The following ACAN variants were observed in gnomAD, a reference collection of about 807,000 sequenced individuals.
The protein encoded by ACAN is aggrecan, also known as aggrecan core protein.
Under a neutral mutation model 169.1 loss-of-function variants are expected in ACAN, and 47 were observed. That is an observed-to-expected ratio of 0.28 (90% CI 0.22 to 0.35). The LOEUF is 0.35. ACAN is among the 10% of genes least tolerant of loss of function. The probability of loss-of-function intolerance (pLI) is 1.00; values close to 1 mark genes in which losing one functional copy is unlikely to be tolerated. For synonymous variants in ACAN, 1,115 were observed against 1,112.2 expected, an observed-to-expected ratio of 1.00 and a Z score of -0.05; for missense variants, 2,716 against 2,759.9, an observed-to-expected ratio of 0.98 and a Z score of 0.36.
At chr15:88,867,882 C>G (rs1212501865) in intron 13 of ACAN, among the ~76,000 whole-genome samples, 1 of 152,242 alleles carries the variant, frequency 6.6e-6, no homozygotes, top group Non-Finnish European at 1.5e-5. Flanking sequence ...CAAGAGAAGG[C>G]ATCTTGGAGG....
intron 1 of ACAN, among the ~76,000 whole-genome samples, chr15:88,826,843 T>A (rs544769016): frequency 6.6e-6 from 1 of 152,286 alleles, no homozygotes; most frequent in East Asian, 1.9e-4. Context: ...GTTGACTGAA[T>A]AATGGAATTA....
intron 1 of ACAN, among the ~76,000 whole-genome samples, chr15:88,820,382 T>C (rs766360235): frequency 3.3e-5 from 5 of 152,064 alleles, no homozygotes; most frequent in Non-Finnish European, 5.9e-5. Flanking sequence ...AGGACTGTAG[T>C]TTCTCCCTGA....
rs775956303 is a variant in ACAN at position 88,855,333 on chromosome 15, T to A, written c.2748T>A (p.Ser916Arg). ...TGGGCTCAGGCCTGCCTGTGGAAAG[T>A]GGACTACCCTCAGGGGATGAAGAGA... ...STVGSGLPVE[S>R]GLPSGDEERI... The change falls in exon 12 of 19, where the codon AGT becomes AGA. Residue 916 changes from serine (S) to arginine (R), a missense_variant. By Grantham distance (110) the Ser-to-Arg change is moderately radical. Coordinates refer to ENST00000560601, the MANE Select transcript of ACAN (RefSeq NM_001369268.1). The A allele has an allele frequency of 1.4e-5, 22 of 1,612,320 alleles. No homozygotes were observed. Among genetic ancestry groups the A allele is most frequent in the Non-Finnish European group, 3.4e-6 (4 of 1,178,932 alleles).
At chr15:88,864,918 G>T (rs1897257288) in intron 13 of ACAN, among the ~76,000 whole-genome samples, 1 of 152,158 alleles carries the variant, frequency 6.6e-6, no homozygotes, top group South Asian at 2.1e-4. Flanking sequence ...TTTAGCACCT[G>T]CATTGCTCTT....
chr15:88,862,586 T>C (rs1028060252), intron 13 of ACAN, among the ~76,000 whole-genome samples: 24 of 152,214 alleles, frequency 1.6e-4, no homozygotes, highest in Non-Finnish European at 2.4e-4. Flanking sequence ...CCCAGGTCAC[T>C]CTTGTTCAAC....
chr15:88,859,329 TCA>T lies in ACAN; in HGVS notation c.6749_6750del (p.Thr2250SerfsTer21). ...SSLLYSGEETHTVETATSPTD... is the reference protein window; with the variant it reads ...SSLLYSGEETXTVETATSPTD... ...GCCTCCTGTACTCAGGAGAAGAGACTCACACAGTCGAAACAGCCACCTCCCCA... is the reference window on the plus strand; with the variant it reads ...GCCTCCTGTACTCAGGAGAAGAGACTCACAGTCGAAACAGCCACCTCCCCA... On this transcript the variant is annotated frameshift_variant, in exon 12 of 19. Transcript: ENST00000560601. LOFTEE classifies it high-confidence loss of function. The T allele has an allele frequency of 6.2e-7, 1 of 1,607,166 alleles. No individual in the cohort carries two copies. The highest frequency in any genetic ancestry group is 8.5e-7 in the Non-Finnish European group (1 of 1,176,726).
At position 88,841,001 on chromosome 15, in the gene ACAN, C is replaced by T. The variant is rs180821144; in HGVS notation, c.630-739C>T. ...CTACTAAAAAATACAAAAAATTAGC[C>T]AGGCGTGGTGGTGGGCTCCTGTAGT... On this transcript the variant is annotated intron_variant, in intron 4 of 18. Transcript: ENST00000560601. Among the ~76,000 whole-genome samples the T allele has an allele frequency of 9.2e-5, 14 of 152,200 alleles. No individual in the cohort carries two copies. In the East Asian group the frequency reaches 9.7e-4, roughly 11 times the overall value.
chr15:88,847,463 AG>A lies in ACAN; in HGVS notation c.1604+48del, dbSNP rs764523893. Reference sequence around the variant, plus strand: ...CAGCCCAAACCCAATTGAAGAGGTCAGGCTTAAGGAGCCACAGCCTGACACC... The same window carrying A: ...CAGCCCAAACCCAATTGAAGAGGTCAGCTTAAGGAGCCACAGCCTGACACC... On this transcript the variant is annotated intron_variant, in intron 8 of 18. Transcript: ENST00000560601. The A allele has an allele frequency of 2.0e-6, 3 of 1,489,464 alleles. No individual in the cohort carries two copies. In the East Asian group the frequency reaches 7.5e-5, roughly 37 times the overall value. 92.3% of individuals were successfully genotyped at this position (1,489,464 alleles called of 1,614,324 possible).
intron 8 of ACAN, 59 bp from the exon 9 acceptor site, chr15:88,847,852 C>T (rs1896833068): frequency 1.9e-6 from 3 of 1,588,790 alleles, no homozygotes; most frequent in Non-Finnish European, 2.6e-6. Flanking sequence ...AGCCCAGGGC[C>T]GTGCATCTAC....
intron 5 of ACAN, 29 bp downstream of exon 5, chr15:88,841,896 C>A (rs775230293): frequency 6.8e-6 from 11 of 1,612,130 alleles, no homozygotes; most frequent in Non-Finnish European, 9.3e-6. Context: ...CAGGAGGCAC[C>A]CAGCTCCCTT....
intron 1 of ACAN, among the ~76,000 whole-genome samples, chr15:88,832,755 C>A (rs573949604): frequency 6.6e-6 from 1 of 152,252 alleles, no homozygotes; most frequent in Non-Finnish European, 1.5e-5. Flanking sequence ...GTCCAACCCT[C>A]ATCCTGGGAC....
At chr15:88,816,775 T>C (rs959384839) in intron 1 of ACAN, among the ~76,000 whole-genome samples, 2 of 152,218 alleles carry the variant, frequency 1.3e-5, no homozygotes, top group African/African-American at 4.8e-5. Flanking sequence ...TCAAGGTATG[T>C]GTGTAAGCTC....
chr15:88,865,927 T>G (rs1897273049), intron 13 of ACAN, among the ~76,000 whole-genome samples: 1 of 152,064 alleles, frequency 6.6e-6, no homozygotes, highest in South Asian at 2.1e-4. Context: ...CTCTCCAAAC[T>G]ACCCTGACTG....
intron 7 of ACAN, among the ~76,000 whole-genome samples, chr15:88,846,956 G>A (rs1216874536): frequency 6.6e-6 from 1 of 152,210 alleles, no homozygotes; most frequent in African/African-American, 2.4e-5. Flanking sequence ...GGGATGTCAG[G>A]TAGCATAGAG....
Position 88,843,633 on chromosome 15 carries a change from G to T in ACAN, c.1036G>T (p.Ala346Ser). Residue 346 changes from alanine to serine, a missense_variant, in exon 6 of 19, where the codon GCC becomes TCC. By Grantham distance (99) the Ala-to-Ser change is moderately conservative. Around this residue, in one of 3 missense-constraint regions of ACAN, gnomAD observed 1,283 missense variants for 1,281.5 expected, o/e 1.00. Coordinates refer to ENST00000560601, the MANE Select transcript of ACAN (RefSeq NM_001369268.1). This position sits in a 1 kb window ranked among gnomAD's most constrained non-coding sequence, Gnocchi z 4.0. ...CCCCGACCCCTCATCCCGCTACGAC[G>T]CCATCTGCTACACAGGTGGGGCACG... is the stretch of plus-strand genomic sequence containing the variant. Reference protein sequence around the residue: ...GYPDPSSRYDAICYTGEDFVD... With the variant: ...GYPDPSSRYDSICYTGEDFVD... 1 of 1,581,734 alleles carries T rather than the reference G, an allele frequency of 6.3e-7. No individual in the cohort carries two copies. Among genetic ancestry groups the T allele is most frequent in the Non-Finnish European group, 8.6e-7 (1 of 1,156,904 alleles).
At chr15:88,834,378 G>A (rs1896446083) in intron 1 of ACAN, among the ~76,000 whole-genome samples, 1 of 152,174 alleles carries the variant, frequency 6.6e-6, no homozygotes, top group African/African-American at 2.4e-5. Flanking sequence ...CCCTGCCCCT[G>A]CCCCTGGCAT....
intron 1 of ACAN, among the ~76,000 whole-genome samples, chr15:88,806,283 G>C (rs2141480396): frequency 6.6e-6 from 1 of 151,948 alleles, no homozygotes; most frequent in Non-Finnish European, 1.5e-5. Context: ...CAAACCCCAA[G>C]TTATGGATAG....
intron 10 of ACAN, chr15:88,850,275 T>C (rs1436755507): frequency 5.5e-6 from 1 of 182,410 alleles, no homozygotes; most frequent in East Asian, 1.5e-4. Context: ...AGTCAAATTA[T>C]TCTATTATTC....
At position 88,839,379 on chromosome 15, in the gene ACAN, A is replaced by G. The variant is rs1031315517; in HGVS notation, c.454+333A>G. ...TGACTTGCCTGAGGTTACCCTGGAA[A>G]TGAGTCAGAGCAGTCTCCTGACAGT... On this transcript the variant is annotated intron_variant, in intron 3 of 18. Coordinates refer to ENST00000560601, the MANE Select transcript of ACAN (RefSeq NM_001369268.1). This position sits in a 1 kb window ranked among gnomAD's most constrained non-coding sequence, Gnocchi z 4.5. Among the ~76,000 whole-genome samples the G allele has an allele frequency of 1.3e-5, 2 of 152,222 alleles. No individual in the cohort carries two copies. The highest frequency in any genetic ancestry group is 1.3e-4 in the Admixed American group (2 of 15,290).
Sources: gnomAD v4.1 joint callset for allele counts (sites outside exome capture counted in the v4.1 genomes callset) on GRCh38, gnomAD v4.1.1 for gene constraint, gnomAD v4.1.1 regional missense constraint, Gnocchi (gnomAD v3.1) non-coding constraint, MANE v1.5 for transcripts, NCBI Gene and HGNC (gene_info 2026-07-23, HGNC 2026-07-21) for gene names.